The following ARG2 variants were observed in gnomAD, a reference collection of about 807,000 sequenced individuals.
ARG2 encodes arginase-2, mitochondrial.
A neutral mutation model predicts 39.4 loss-of-function variants in ARG2; 21 were observed. The ratio of observed to expected loss-of-function variants is 0.53; its 90% CI spans 0.38 to 0.77. ARG2 has a LOEUF of 0.77. Ranked by LOEUF, ARG2 falls within the 30% of genes least tolerant of loss-of-function variation. The pLI, the probability that ARG2 is intolerant of heterozygous loss-of-function variation, is 0.00. For synonymous variants in ARG2, 150 were observed against 156.7 expected (o/e 0.96, Z 0.32); for missense variants, 378 against 426.2 (o/e 0.89, Z 1.00).
intron 3 of ARG2, 35 bp from the exon 4 acceptor site, chr14:67,645,608 C>A: frequency 6.3e-7 from 1 of 1,597,744 alleles, no homozygotes; most frequent in Non-Finnish European, 8.5e-7. Flanking sequence ...GTTTGCCAAG[C>A]AGAGGGCCTT....
intron 2 of ARG2, among the ~76,000 whole-genome samples, chr14:67,628,248 A>G (rs544801188): frequency 7.2e-5 from 11 of 152,118 alleles, no homozygotes; most frequent in Non-Finnish European, 1.2e-4. Context: ...AGGTCTCACT[A>G]TGTTGCCCAG....
intron 6 of ARG2, chr14:67,647,798 T>C: frequency 6.3e-6 from 3 of 473,622 alleles, no homozygotes; most frequent in Non-Finnish European, 1.1e-5. Context: ...GAAATATACA[T>C]TGGAGTTAGT....
At chr14:67,649,816 T>A (rs2037149036) in intron 7 of ARG2, 2 of 152,230 alleles carry the variant, frequency 1.3e-5, no homozygotes, top group Admixed American at 1.3e-4. Context: ...ACCCTAAATA[T>A]TCTTAGATAC....
chr14:67,629,702 GTTAT>G (rs1258998138), intron 2 of ARG2, among the ~76,000 whole-genome samples: 2 of 152,168 alleles, frequency 1.3e-5, no homozygotes, highest in East Asian at 3.8e-4. Flanking sequence ...TAATAGAAAT[GTTAT>G]TTATAGTTAA....
intron 2 of ARG2, among the ~76,000 whole-genome samples, chr14:67,632,493 C>A (rs373982531): frequency 6.6e-6 from 1 of 152,274 alleles, no homozygotes; most frequent in East Asian, 1.9e-4. Flanking sequence ...GGGAAACAGA[C>A]TTCTCATATC....
At chr14:67,633,298 T>C (rs747645633) in intron 2 of ARG2, among the ~76,000 whole-genome samples, 18 of 152,198 alleles carry the variant, frequency 1.2e-4, no homozygotes, top group Non-Finnish European at 2.4e-4. Flanking sequence ...AGTTTATTTA[T>C]AGAAGAATCT....
intron 3 of ARG2, among the ~76,000 whole-genome samples, 197 bp from the exon 4 acceptor site, chr14:67,645,446 C>T (rs777760073): frequency 6.6e-6 from 1 of 152,164 alleles, no homozygotes; most frequent in Admixed American, 6.5e-5. Context: ...TCACCAGCTT[C>T]GAATCTCTAG....
chr14:67,636,600 T>C (rs1278892535), intron 2 of ARG2, among the ~76,000 whole-genome samples: 1 of 152,242 alleles, frequency 6.6e-6, no homozygotes, highest in African/African-American at 2.4e-5. Context: ...GATTTCTTCC[T>C]TACAGCCTGG....
intron 3 of ARG2, among the ~76,000 whole-genome samples, chr14:67,644,349 A>G (rs1004977570): frequency 6.6e-6 from 1 of 152,208 alleles, no homozygotes; most frequent in Admixed American, 6.5e-5. Context: ...AGGAAACTGA[A>G]ATCTAAAGAA....
chr14:67,636,765 T>G (rs2036975996), intron 2 of ARG2, among the ~76,000 whole-genome samples: 1 of 152,226 alleles, frequency 6.6e-6, no homozygotes, highest in Admixed American at 6.5e-5. Context: ...AACAAGGCTG[T>G]GCCAGTGTAT....
At chr14:67,627,745 G>T (rs1286460841) in intron 2 of ARG2, among the ~76,000 whole-genome samples, 2 of 152,148 alleles carry the variant, frequency 1.3e-5, no homozygotes, top group Non-Finnish European at 2.9e-5. Context: ...GATCAGCCTG[G>T]ACAATGTAGC....
intron 2 of ARG2, among the ~76,000 whole-genome samples, chr14:67,628,957 G>A (rs781715293): frequency 1.3e-5 from 2 of 152,192 alleles, no homozygotes; most frequent in Non-Finnish European, 2.9e-5. Context: ...ATAGCCAAAA[G>A]GTGGAAGCAA....
At position 67,648,132 on chromosome 14, in the gene ARG2, G is replaced by C; in HGVS notation, c.808G>C (p.Gly270Arg). Residue 270 changes from glycine (G) to arginine (R), a missense_variant, in exon 7 of 8, where the codon GGA becomes CGA. Physicochemically the swap from Gly to Arg is moderately radical, Grantham distance 125. Transcript: ENST00000261783. ...APATGTPVVG[G>R]LTYREGMYIA... ...AGCCACAGGAACTCCTGTTGTCGGG[G>C]GACTAACCTATCGAGAAGGCATGTA... 2 of 1,613,930 alleles carry C rather than the reference G, an allele frequency of 1.2e-6. No homozygotes were observed. The highest frequency in any genetic ancestry group is 1.7e-6 in the Non-Finnish European group (2 of 1,179,900).
chr14:67,649,494 T>A (rs781158857), intron 7 of ARG2: 1 of 152,070 alleles, frequency 6.6e-6, no homozygotes, highest in Non-Finnish European at 1.5e-5. Context: ...GTGGCAATAG[T>A]CTGGAAACAT....
In ARG2 at chr14:67,642,793, C is replaced by CTTTTTTTTTTTTTTT. The variant is rs869215946; in HGVS notation, c.362+443_362+457dup. On this transcript the variant is annotated intron_variant, in intron 3 of 7. Coordinates refer to ENST00000261783, the MANE Select transcript of ARG2 (RefSeq NM_001172.4). Reference sequence around the variant, plus strand: ...CCCCTTTGGCATGTTACTACATTTTCTTTTTTTTTTTTTTTTTTTTTTTTT... The same window carrying CTTTTTTTTTTTTTTT: ...CCCCTTTGGCATGTTACTACATTTTCTTTTTTTTTTTTTTTTTTTTTTTTTTTTTTTTTTTTTTTT... 1.3e-3 allele frequency among the ~76,000 whole-genome samples: 97 copies of CTTTTTTTTTTTTTTT among 75,554 alleles called. 27 individuals carry two copies. The highest frequency in any genetic ancestry group is 5.6e-3 in the South Asian group (9 of 1,594). 49.6% of individuals were successfully genotyped at this position (75,554 alleles called of 152,430 possible).
intron 2 of ARG2, among the ~76,000 whole-genome samples, chr14:67,627,256 G>A (rs1376281857): frequency 7.5e-5 from 10 of 133,748 alleles, no homozygotes; most frequent in African/African-American, 3.0e-4. Flanking sequence ...TCAGTAAGGA[G>A]ATATATATAT....
At chr14:67,634,566 C>T (rs1169694534) in intron 2 of ARG2, among the ~76,000 whole-genome samples, 5 of 144,536 alleles carry the variant, frequency 3.5e-5, no homozygotes, top group African/African-American at 1.3e-4. Flanking sequence ...TGCACTCCAT[C>T]TTGGGCAACA....
intron 2 of ARG2, among the ~76,000 whole-genome samples, chr14:67,623,688 C>T (rs779853490): frequency 6.6e-6 from 1 of 151,906 alleles, no homozygotes; most frequent in South Asian, 2.1e-4. Context: ...ATTACAGGTG[C>T]CTGCCACTGC....
intron 1 of ARG2, 42 bp from the exon 2 acceptor site, chr14:67,620,852 C>T (rs2036802061): frequency 6.2e-7 from 1 of 1,608,252 alleles, no homozygotes; most frequent in Non-Finnish European, 8.5e-7. Flanking sequence ...TTTTTTCCGA[C>T]ACCTTCTCTA....
Sources: gnomAD v4.1 joint callset for allele counts (sites outside exome capture counted in the v4.1 genomes callset) on GRCh38, gnomAD v4.1.1 for gene constraint, MANE v1.5 for transcripts, NCBI Gene and HGNC (gene_info 2026-07-23, HGNC 2026-07-21) for gene names.